Variants in TF observed in about 807,000 individuals in gnomAD.
The protein encoded by TF is transferrin.
Under a neutral mutation model 82.4 loss-of-function variants are expected in TF, and 55 were observed. The observed-to-expected ratio is 0.67, with a 90% CI of 0.54 to 0.84. TF has a LOEUF of 0.84. TF is among the 40% of genes least tolerant of loss of function. TF has a pLI of 0.00. For missense variants in TF, 737 were observed against 868.4 expected (o/e 0.85, Z 1.90); for synonymous variants, 332 against 332.6 (o/e 1.00, Z 0.02).
the TF span, among the ~76,000 whole-genome samples, chr3:133,713,836 G>T: frequency 1.3e-5 from 2 of 152,108 alleles, no homozygotes; most frequent in Non-Finnish European, 2.9e-5. Flanking sequence ...GAGGTCCTTG[G>T]TGGGGTATGG....
At chr3:133,724,661 T>G in the TF span, among the ~76,000 whole-genome samples, 1 of 152,220 alleles carries the variant, frequency 6.6e-6, no homozygotes, top group East Asian at 1.9e-4. Flanking sequence ...TTAGTTTAAT[T>G]AGATCCCATT....
In TF at chr3:133,784,249, C is replaced by T. The variant is rs1934590033; in HGVS notation, c.*5629C>T. ...CTGGAAAAGAGAAGTGTAAGAATAACTTGCGCCATTAGGCCCATCGGAAAG... is the reference window on the plus strand; with the variant it reads ...CTGGAAAAGAGAAGTGTAAGAATAATTTGCGCCATTAGGCCCATCGGAAAG... On this transcript the variant is annotated 3_prime_UTR_variant, in exon 17 of 17. Coordinates refer to ENST00000402696, the MANE Select transcript of TF (RefSeq NM_001063.4). 6.6e-6 allele frequency: 1 copy of T among 152,188 alleles called. No individual in the cohort carries two copies. The highest frequency in any genetic ancestry group is 1.9e-4 in the East Asian group (1 of 5,196). The allele number at this position is 152,188 out of a possible 1,614,324, so 9.4% of individuals were successfully genotyped here.
intron 2 of TF, among the ~76,000 whole-genome samples, chr3:133,749,159 T>C (rs1933594849): frequency 6.6e-6 from 1 of 152,124 alleles, no homozygotes; most frequent in South Asian, 2.1e-4. Flanking sequence ...AGGCTCCATC[T>C]CAAAATAAAT....
chr3:133,705,095 C>A, the TF span, among the ~76,000 whole-genome samples: 1 of 151,934 alleles, frequency 6.6e-6, no homozygotes, highest in Non-Finnish European at 1.5e-5. Flanking sequence ...GCCAACATGG[C>A]GAAACCCTGT....
chr3:133,759,380 T>G (rs776437662), intron 9 of TF, 51 bp downstream of exon 9: 2 of 1,607,038 alleles, frequency 1.2e-6, no homozygotes, highest in Admixed American at 3.3e-5. Context: ...TGCTGCCTGC[T>G]GGCCCCCAAG....
chr3:133,714,849 A>AT, the TF span, among the ~76,000 whole-genome samples: 1 of 151,684 alleles, frequency 6.6e-6, no homozygotes, highest in Non-Finnish European at 1.5e-5. Context: ...CACCCAGCTA[A>AT]TTTTTGTATT....
At chr3:133,754,053 G>A (rs3828347) in intron 3 of TF, 111,207 of 447,136 alleles carry the variant, frequency 0.25, 14,379 homozygotes, top group Non-Finnish European at 0.28. Flanking sequence ...CACACAGGAG[G>A]GGTCACTCTG....
At chr3:133,726,297 T>C in the TF span, among the ~76,000 whole-genome samples, 2 of 152,230 alleles carry the variant, frequency 1.3e-5, no homozygotes, top group Admixed American at 1.3e-4. Flanking sequence ...TGGACTTTTT[T>C]TTGTTGGTAA....
At chr3:133,718,679 A>G in the TF span, among the ~76,000 whole-genome samples, 1 of 152,218 alleles carries the variant, frequency 6.6e-6, no homozygotes, top group Non-Finnish European at 1.5e-5. Context: ...CCAGAGCCCC[A>G]GAATTTGCAT....
rs1933983240 is a variant in TF at position 133,761,200 on chromosome 3, A to G, written c.1203+1871A>G. 1.9e-5 allele frequency: 4 copies of G among 214,312 alleles called. No individual in the cohort carries two copies. In the South Asian group the frequency reaches 3.5e-4, roughly 19 times the overall value. The allele number at this position is 214,312 out of a possible 1,614,324, so 13.3% of individuals were successfully genotyped here. On this transcript the variant is annotated intron_variant, in intron 9 of 16. Coordinates refer to ENST00000402696, the MANE Select transcript of TF (RefSeq NM_001063.4). ...CTCGCATAGAAACATCATTACTGGT[A>G]TTACTGGGATGGCAGAAAGGATTCC...
At chr3:133,727,586 T>G in the TF span, among the ~76,000 whole-genome samples, 1 of 107,390 alleles carries the variant, frequency 9.3e-6, no homozygotes, top group Admixed American at 1.0e-4. Context: ...TACAGCACAC[T>G]GATGGGTCTT....
rs1389939841 is a variant in TF at position 133,756,886 on chromosome 3, C to T, written c.747C>T (p.Asn249=). Residue 249 remains asparagine (N), a synonymous_variant, in exon 7 of 17, where the codon AAC becomes AAT. Transcript: ENST00000402696. The part of the protein sequence containing the change: ...RDQYELLCLD[N]TRKPVDEYKD... ...AGTATGAGCTGCTTTGCCTGGACAA[C>T]ACCCGGAAGCCGGTAGATGAATACA... 6.2e-7 allele frequency: 1 copy of T among 1,614,220 alleles called. No homozygotes were observed. Among genetic ancestry groups the T allele is most frequent in the East Asian group, 2.2e-5 (1 of 44,886 alleles).
At chr3:133,746,925 G>A (rs965791079) in intron 1 of TF, among the ~76,000 whole-genome samples, 1 of 152,206 alleles carries the variant, frequency 6.6e-6, no homozygotes, top group African/African-American at 2.4e-5. Context: ...GTCAGAGCAT[G>A]GGGTTTGAAG....
In TF at chr3:133,787,531, A is replaced by T. The variant is rs1934718562; in HGVS notation, c.*8911A>T. The T allele has an allele frequency of 6.6e-6, 1 of 152,268 alleles. No homozygotes were observed. The highest frequency in any genetic ancestry group is 2.4e-5 in the African/African-American group (1 of 41,476). The allele number at this position is 152,268 out of a possible 1,614,324, so 9.4% of individuals were successfully genotyped here. On this transcript the variant is annotated 3_prime_UTR_variant, in exon 17 of 17. Coordinates refer to ENST00000402696, the MANE Select transcript of TF (RefSeq NM_001063.4). ...ATAGTTAGAAATGCTTGATGTATTTAAAAGTAGAAATAGTATAATAACACT... is the reference window on the plus strand; with the variant it reads ...ATAGTTAGAAATGCTTGATGTATTTTAAAGTAGAAATAGTATAATAACACT...
chr3:133,705,320 G>T, the TF span, among the ~76,000 whole-genome samples: 1 of 150,812 alleles, frequency 6.6e-6, no homozygotes, highest in Admixed American at 6.6e-5. Flanking sequence ...GTAGAATAAA[G>T]ACTGAATCCA....
At chr3:133,677,706 C>T in the TF span, among the ~76,000 whole-genome samples, 1 of 151,626 alleles carries the variant, frequency 6.6e-6, no homozygotes, top group Non-Finnish European at 1.5e-5. Context: ...TTTATAGAGA[C>T]AGGATCTGTC....
chr3:133,681,489 G>A, the TF span, among the ~76,000 whole-genome samples: 1 of 152,200 alleles, frequency 6.6e-6, no homozygotes, highest in Admixed American at 6.5e-5. Context: ...GGAAAATCGG[G>A]TCACTCCCAC....
chr3:133,666,863 C>T, the TF span, among the ~76,000 whole-genome samples: 3 of 152,026 alleles, frequency 2.0e-5, no homozygotes, highest in African/African-American at 2.4e-5. Context: ...AGTGAAACCT[C>T]GTCTCTACTA....
chr3:133,705,568 A>G, the TF span, among the ~76,000 whole-genome samples: 8 of 152,340 alleles, frequency 5.3e-5, no homozygotes, highest in African/African-American at 1.9e-4. Context: ...TCAAATAGGA[A>G]AGAGCAGAAG....
Sources: gnomAD v4.1 joint callset for allele counts (sites outside exome capture counted in the v4.1 genomes callset) on GRCh38, gnomAD v4.1.1 for gene constraint, MANE v1.5 for transcripts, NCBI Gene and HGNC (gene_info 2026-07-23, HGNC 2026-07-21) for gene names.